The following PRMT3 variants were observed in gnomAD, a reference collection of about 807,000 sequenced individuals.
PRMT3 encodes protein arginine methyltransferase 3.
PRMT3 carries 62 observed loss-of-function variants against 71.9 expected under a neutral mutation model. That is an observed-to-expected ratio of 0.86 (90% CI 0.70 to 1.07). The LOEUF is 1.07. Among genes scored for constraint, PRMT3 ranks in the 50% least tolerant of loss-of-function variants. PRMT3 has a pLI of 0.00. For missense variants in PRMT3, 663 were observed against 643.0 expected, an observed-to-expected ratio of 1.03 and a Z score of -0.34; for synonymous variants, 213 against 220.4, an observed-to-expected ratio of 0.97 and a Z score of 0.30.
chr11:20,493,449 G>A (rs985549717), intron 13 of PRMT3, among the ~76,000 whole-genome samples: 3 of 152,154 alleles, frequency 2.0e-5, no homozygotes, highest in African/African-American at 4.8e-5. Flanking sequence ...GTTTGTTTCC[G>A]ATTCTGCAAT....
intron 9 of PRMT3, among the ~76,000 whole-genome samples, chr11:20,419,181 T>A (rs879202052): frequency 6.6e-6 from 1 of 152,238 alleles, no homozygotes; most frequent in Non-Finnish European, 1.5e-5. Flanking sequence ...TTATCCACCA[T>A]TAAAAAATGT....
At chr11:20,484,378 G>A (rs905336493) in intron 13 of PRMT3, among the ~76,000 whole-genome samples, 1 of 152,144 alleles carries the variant, frequency 6.6e-6, no homozygotes, top group African/African-American at 2.4e-5. Context: ...AAATGAGTTA[G>A]TTTAAGAATT....
chr11:20,408,507 A>C (rs1437075913), intron 9 of PRMT3, among the ~76,000 whole-genome samples: 22 of 152,190 alleles, frequency 1.4e-4, no homozygotes, highest in Admixed American at 1.4e-3. Flanking sequence ...AGTTGCTGAA[A>C]ACAAGGCAGA....
At chr11:20,474,520 G>A (rs1850731284) in intron 13 of PRMT3, among the ~76,000 whole-genome samples, 1 of 152,214 alleles carries the variant, frequency 6.6e-6, no homozygotes, top group South Asian at 2.1e-4. Context: ...GTATGCCCCA[G>A]CGGCTGCTCT....
chr11:20,448,290 C>T (rs1434738880), intron 10 of PRMT3, among the ~76,000 whole-genome samples: 2 of 152,074 alleles, frequency 1.3e-5, no homozygotes, highest in Non-Finnish European at 2.9e-5. Context: ...TATGTTTTTA[C>T]TTGAAATGTC....
intron 11 of PRMT3, among the ~76,000 whole-genome samples, chr11:20,456,100 A>G (rs1188089808): frequency 6.6e-6 from 1 of 152,172 alleles, no homozygotes; most frequent in African/African-American, 2.4e-5. Context: ...TCACAAGAGA[A>G]ACTACATACT....
intron 5 of PRMT3, among the ~76,000 whole-genome samples, chr11:20,395,379 T>C (rs1001346696): frequency 1.3e-5 from 2 of 152,142 alleles, no homozygotes; most frequent in African/African-American, 2.4e-5. Context: ...AGTCTCACTG[T>C]ATTGCCCAGG....
chr11:20,493,793 T>C (rs530950058), intron 13 of PRMT3, 126 bp from the exon 14 acceptor site: 9 of 640,552 alleles, frequency 1.4e-5, no homozygotes, highest in South Asian at 2.4e-5. Context: ...AGGAAAAATA[T>C]TGAGTTTAAG....
chr11:20,492,913 C>T (rs187925589), intron 13 of PRMT3, among the ~76,000 whole-genome samples: 3 of 152,118 alleles, frequency 2.0e-5, no homozygotes, highest in African/African-American at 2.4e-5. Flanking sequence ...AAAAATTAGC[C>T]GGGTGTGGTG....
intron 7 of PRMT3, among the ~76,000 whole-genome samples, chr11:20,398,775 T>C (rs1046627240): frequency 2.6e-5 from 4 of 152,228 alleles, no homozygotes; most frequent in African/African-American, 7.2e-5. Flanking sequence ...GTTTGTAGCC[T>C]AGGAGTAATA....
At chr11:20,507,705 G>A (rs188728109) in intron 15 of PRMT3, among the ~76,000 whole-genome samples, 5 of 152,194 alleles carry the variant, frequency 3.3e-5, no homozygotes, top group Admixed American at 6.5e-5. Flanking sequence ...ACTTGAACAC[G>A]GGAGGCAGAG....
intron 13 of PRMT3, among the ~76,000 whole-genome samples, chr11:20,485,382 A>G (rs1005251627): frequency 5.9e-5 from 9 of 152,218 alleles, no homozygotes; most frequent in African/African-American, 2.2e-4. Context: ...AGCAGTAGAC[A>G]ATAAAAACAG....
At chr11:20,438,449 C>A (rs1849811562) in intron 10 of PRMT3, among the ~76,000 whole-genome samples, 1 of 152,080 alleles carries the variant, frequency 6.6e-6, no homozygotes, top group Admixed American at 6.6e-5. Context: ...ACAGTGATGA[C>A]TCTACTTCCC....
At chr11:20,424,416 A>G (rs1393029124) in intron 9 of PRMT3, among the ~76,000 whole-genome samples, 1 of 152,218 alleles carries the variant, frequency 6.6e-6, no homozygotes, top group Non-Finnish European at 1.5e-5. Context: ...CAAAGATATC[A>G]AAGTAATTCC....
rs1425883941 is a variant in PRMT3 at position 20,407,670 on chromosome 11, A to G, written c.772-241A>G. 17 of 307,508 alleles carry G rather than the reference A, an allele frequency of 5.5e-5. No homozygotes were observed. In the Admixed American group the frequency reaches 7.5e-4, roughly 14 times the overall value. The allele number at this position is 307,508 out of a possible 1,614,324, so 19.0% of individuals were successfully genotyped here. A position where few individuals can be genotyped will look rare whatever the true frequency, so the allele number is the denominator to read the frequency against. On this transcript the variant is annotated intron_variant, in intron 8 of 15. Coordinates refer to ENST00000331079, the MANE Select transcript of PRMT3 (RefSeq NM_005788.4). Reference sequence around the variant, plus strand: ...TTAGATTATCTCTCTTCTGGAGTCAATACTAATAAATTATAATTTCAATAC... The same window carrying G: ...TTAGATTATCTCTCTTCTGGAGTCAGTACTAATAAATTATAATTTCAATAC...
Position 20,389,245 on chromosome 11 carries a change from A to C in PRMT3, c.165-499A>C, listed in dbSNP as rs1021690751. ...TCCTCACAGTGTCTGTGATGCAAGT[A>C]CGTTGGGAATACTACAAGATCACTT... On this transcript the variant is annotated intron_variant, in intron 2 of 15. Coordinates refer to ENST00000331079, the MANE Select transcript of PRMT3 (RefSeq NM_005788.4). Among the ~76,000 whole-genome samples the C allele has an allele frequency of 2.0e-5, 3 of 152,218 alleles. 1 individual carries two copies. The South Asian group carries it at 6.2e-4, about 32-fold the overall frequency.
chr11:20,467,338 G>C (rs1352139710), intron 13 of PRMT3, among the ~76,000 whole-genome samples: 1 of 152,156 alleles, frequency 6.6e-6, no homozygotes, highest in Non-Finnish European at 1.5e-5. Context: ...AACCATTTGA[G>C]ATGAGTACTC....
intron 11 of PRMT3, among the ~76,000 whole-genome samples, chr11:20,452,905 A>G (rs1318917211): frequency 6.6e-6 from 1 of 152,214 alleles, no homozygotes; most frequent in Admixed American, 6.5e-5. Flanking sequence ...CACAGCTTCT[A>G]GGATGTAGAT....
chr11:20,476,446 A>G (rs949180926), intron 13 of PRMT3, among the ~76,000 whole-genome samples: 4 of 152,084 alleles, frequency 2.6e-5, no homozygotes, highest in Non-Finnish European at 5.9e-5. Context: ...ACATTTTAAT[A>G]TGAATGTAAA....
Sources: allele counts gnomAD v4.1 joint callset (sites outside exome capture counted in the v4.1 genomes callset), GRCh38; gene constraint gnomAD v4.1.1; transcripts MANE v1.5; gene names NCBI Gene and HGNC (gene_info 2026-07-23, HGNC 2026-07-21).